The following GALNT18 variants were observed in gnomAD, a reference collection of about 807,000 sequenced individuals.
GALNT18 encodes polypeptide N-acetylgalactosaminyltransferase 18.
Under a neutral mutation model 69.5 loss-of-function variants are expected in GALNT18, and 44 were observed. The ratio of observed to expected loss-of-function variants is 0.63; its 90% CI spans 0.50 to 0.81. The LOEUF is 0.81. GALNT18 is among the 40% of genes least tolerant of loss of function. GALNT18 has a pLI of 0.00. For missense variants in GALNT18, 715 were observed against 810.0 expected (o/e 0.88, Z 1.42); for synonymous variants, 364 against 318.2 (o/e 1.14, Z -1.53).
intron 1 of GALNT18, among the ~76,000 whole-genome samples, chr11:11,577,651 C>T (rs1858958718): frequency 1.3e-5 from 2 of 152,176 alleles, no homozygotes; most frequent in South Asian, 4.1e-4. Context: ...GCTCAACACC[C>T]CAAATCGATT....
chr11:11,285,705 G>C (rs1485159779), intron 10 of GALNT18, among the ~76,000 whole-genome samples: 3 of 152,200 alleles, frequency 2.0e-5, no homozygotes, highest in African/African-American at 7.2e-5. Context: ...CAACACAAAA[G>C]GTTCTCAAAG....
In GALNT18 at chr11:11,523,047, G is replaced by A. The variant is rs1330028780; in HGVS notation, c.236-74111C>T. On this transcript the variant is annotated intron_variant, in intron 1 of 10. Coordinates refer to ENST00000227756, the MANE Select transcript of GALNT18 (RefSeq NM_198516.3). The surrounding 1 kb of genome is among the most constrained non-coding windows in gnomAD (Gnocchi z 4.3). ...AGAGGCTCTCCCTTACAAACTGCTT[G>A]CCAAGAAAGTAGCAATTTACATGCT... 6.6e-6 allele frequency among the ~76,000 whole-genome samples: 1 copy of A among 152,182 alleles called. No homozygotes were observed. The highest frequency in any genetic ancestry group is 1.5e-5 in the Non-Finnish European group (1 of 68,036).
At chr11:11,423,070 G>A (rs544433262) in intron 3 of GALNT18, among the ~76,000 whole-genome samples, 49 of 152,226 alleles carry the variant, frequency 3.2e-4, no homozygotes, top group African/African-American at 1.1e-3. Flanking sequence ...TACTGCGTAA[G>A]TGCGCACACA....
At chr11:11,433,607 T>C (rs1855326424) in intron 2 of GALNT18, among the ~76,000 whole-genome samples, 1 of 152,208 alleles carries the variant, frequency 6.6e-6, no homozygotes, top group South Asian at 2.1e-4. Context: ...TGGTGGTCTC[T>C]TGAGGACTTG....
At position 11,480,795 on chromosome 11, in the gene GALNT18, C is replaced by T. The variant is rs1856510315; in HGVS notation, c.236-31859G>A. ...TAGTTCCGTGCAGAGTTATTAAGTG[C>T]TATGTGATAGAAGGTTCTGTGGTGA... On this transcript the variant is annotated intron_variant, in intron 1 of 10. Transcript: ENST00000227756. This position sits in a 1 kb window ranked among gnomAD's most constrained non-coding sequence, Gnocchi z 4.6. Among the ~76,000 whole-genome samples the T allele has an allele frequency of 6.6e-6, 1 of 152,154 alleles. No individual in the cohort carries two copies.
At position 11,613,461 on chromosome 11, in the gene GALNT18, C is replaced by A. The variant is rs138102807; in HGVS notation, c.235+7898G>T. Reference sequence around the variant, plus strand: ...TACATTCCCTTGCATACTAATATGCCTTCTCAAGTAGGAAAATAAAGGGTG... The same window carrying A: ...TACATTCCCTTGCATACTAATATGCATTCTCAAGTAGGAAAATAAAGGGTG... On this transcript the variant is annotated intron_variant, in intron 1 of 10. Transcript: ENST00000227756. This position sits in a 1 kb window ranked among gnomAD's most constrained non-coding sequence, Gnocchi z 4.2. 6.6e-6 allele frequency among the ~76,000 whole-genome samples: 1 copy of A among 152,160 alleles called. No individual in the cohort carries two copies. The highest frequency in any genetic ancestry group is 2.4e-5 in the African/African-American group (1 of 41,432).
At chr11:11,424,994 G>A (rs1431341547) in intron 3 of GALNT18, among the ~76,000 whole-genome samples, 1 of 152,140 alleles carries the variant, frequency 6.6e-6, no homozygotes, top group South Asian at 2.1e-4. Context: ...GTCTTCTGTG[G>A]GAGTCAGAAG....
chr11:11,379,347 A>G (rs1009271554), intron 3 of GALNT18, 83 bp from the exon 4 acceptor site: 6 of 1,363,372 alleles, frequency 4.4e-6, no homozygotes, highest in South Asian at 1.3e-5. Flanking sequence ...TCTTTTAGTG[A>G]TGACCCCCAG....
chr11:11,517,026 G>A (rs7928402), intron 1 of GALNT18, among the ~76,000 whole-genome samples: 23,613 of 152,188 alleles, frequency 0.16, 2,029 homozygotes, highest in South Asian at 0.22. Flanking sequence ...CCTTATAAAA[G>A]GAATCCCAGA....
At chr11:11,335,431 T>C (rs577459847) in intron 7 of GALNT18, among the ~76,000 whole-genome samples, 2 of 152,358 alleles carry the variant, frequency 1.3e-5, no homozygotes, top group South Asian at 4.1e-4. Flanking sequence ...AGGAGGCATA[T>C]ATTGAGAAGA....
At chr11:11,331,904 G>A (rs1231541724) in intron 8 of GALNT18, among the ~76,000 whole-genome samples, 1 of 152,114 alleles carries the variant, frequency 6.6e-6, no homozygotes, top group Non-Finnish European at 1.5e-5. Flanking sequence ...GACCTGTACG[G>A]TCCAGGGAAT....
chr11:11,394,098 G>A (rs571491127), intron 3 of GALNT18, among the ~76,000 whole-genome samples: 1 of 152,320 alleles, frequency 6.6e-6, no homozygotes, highest in South Asian at 2.1e-4. Context: ...ACTGAAATAT[G>A]TTCTAAAAGT....
At position 11,387,858 on chromosome 11, in the gene GALNT18, A is replaced by G. The variant is rs1854092236; in HGVS notation, c.596-8594T>C. 1.3e-5 allele frequency among the ~76,000 whole-genome samples: 2 copies of G among 152,230 alleles called. No individual in the cohort carries two copies. On this transcript the variant is annotated intron_variant, in intron 3 of 10. Transcript: ENST00000227756. This position sits in a 1 kb window ranked among gnomAD's most constrained non-coding sequence, Gnocchi z 4.6. ...GCTGGGATCCCGGAGAGCTCCGGGC[A>G]GCATTGCTGCGTGTATTCCTCTGTC... is the stretch of plus-strand genomic sequence containing the variant.
At chr11:11,299,515 T>C (rs1444476655) in intron 9 of GALNT18, among the ~76,000 whole-genome samples, 1 of 152,152 alleles carries the variant, frequency 6.6e-6, no homozygotes, top group African/African-American at 2.4e-5. Context: ...CATTATATAA[T>C]TTTTACACCT....
At chr11:11,351,822 A>C in intron 6 of GALNT18, 1 of 827,410 alleles carries the variant, frequency 1.2e-6, no homozygotes, top group East Asian at 2.7e-5. Context: ...ATAAATCCAC[A>C]AGCAACGGTT....
Position 11,540,334 on chromosome 11 carries a change from G to C in GALNT18, c.235+81025C>G, listed in dbSNP as rs528153627. Among the ~76,000 whole-genome samples, 1 of 152,264 alleles carries C rather than the reference G, an allele frequency of 6.6e-6. No individual in the cohort carries two copies. The highest frequency in any genetic ancestry group is 2.4e-5 in the African/African-American group (1 of 41,546). ...CTTCGTCGTTGCCATGGAAACTTGT[G>C]ACTCCTACATCCCTGATGCTAGGAC... On this transcript the variant is annotated intron_variant, in intron 1 of 10. Coordinates refer to ENST00000227756, the MANE Select transcript of GALNT18 (RefSeq NM_198516.3). This position sits in a 1 kb window ranked among gnomAD's most constrained non-coding sequence, Gnocchi z 4.6.
At chr11:11,446,625 C>G (rs1855658911) in intron 2 of GALNT18, among the ~76,000 whole-genome samples, 1 of 152,152 alleles carries the variant, frequency 6.6e-6, no homozygotes, top group African/African-American at 2.4e-5. Flanking sequence ...GAATCCAACC[C>G]CATCTCAGCA....
At chr11:11,578,117 GAC>G (rs901475208) in intron 1 of GALNT18, among the ~76,000 whole-genome samples, 6 of 152,172 alleles carry the variant, frequency 3.9e-5, no homozygotes, top group African/African-American at 1.4e-4. Context: ...GCCTCAGCCA[GAC>G]ACAGAGGAGA....
chr11:11,281,709 C>T (rs1163685526), intron 10 of GALNT18, among the ~76,000 whole-genome samples: 1 of 150,684 alleles, frequency 6.6e-6, no homozygotes, highest in Non-Finnish European at 1.5e-5. Context: ...TTTCCCAAGC[C>T]CAGCCCAGCC....
Sources: gnomAD v4.1 joint callset for allele counts (sites outside exome capture counted in the v4.1 genomes callset) on GRCh38, gnomAD v4.1.1 for gene constraint, Gnocchi (gnomAD v3.1) non-coding constraint, MANE v1.5 for transcripts, NCBI Gene and HGNC (gene_info 2026-07-23, HGNC 2026-07-21) for gene names.